The following ZNF26 variants were observed in gnomAD, a reference collection of about 807,000 sequenced individuals.
ZNF26 encodes the protein zinc finger protein 26.
In ZNF26, 32 loss-of-function variants were observed where a neutral mutation model predicts 54.9. That is an observed-to-expected ratio of 0.58 (90% CI 0.44 to 0.78). The LOEUF is 0.78. ZNF26 is among the 30% of genes least tolerant of loss of function. ZNF26 has a pLI of 0.00. For synonymous variants in ZNF26, 221 were observed against 209.2 expected (o/e 1.06, Z -0.49); for missense variants, 524 against 634.0 (o/e 0.83, Z 1.86).
rs1953446427 is a variant in ZNF26 at position 133,010,484 on chromosome 12, A to G, written c.605A>G (p.Tyr202Cys). 1.9e-6 allele frequency: 3 copies of G among 1,614,046 alleles called. No individual in the cohort carries two copies. The highest frequency in any genetic ancestry group is 2.5e-6 in the Non-Finnish European group (3 of 1,180,032). ...AGAATTCATACAGGAGAGAGACCTTATGAATGCAGTAAATGTGAAAGAGCC... is the reference window on the plus strand; with the variant it reads ...AGAATTCATACAGGAGAGAGACCTTGTGAATGCAGTAAATGTGAAAGAGCC... Reference protein sequence around the residue: ...HLRIHTGERPYECSKCERAFS... With the variant: ...HLRIHTGERPCECSKCERAFS... Residue 202 changes from tyrosine to cysteine, a missense_variant, in exon 4 of 4, where the codon TAT becomes TGT. Tyr to Cys is a radical substitution (Grantham distance 194). Coordinates refer to ENST00000328654, the MANE Select transcript of ZNF26 (RefSeq NM_019591.4).
At chr12:133,000,092 A>T (rs943564813) in intron 1 of ZNF26, among the ~76,000 whole-genome samples, 3 of 152,144 alleles carry the variant, frequency 2.0e-5, no homozygotes, top group Non-Finnish European at 4.4e-5. Flanking sequence ...GTCCCATTAC[A>T]GTAGAACTGT....
chr12:133,011,590 A>G lies in ZNF26; in HGVS notation c.*109A>G. ...AAATTACACTCATGTCAAAAATCAG[A>G]GAGGAGAGAGACCAACCATATTTGG... On this transcript the variant is annotated 3_prime_UTR_variant, in exon 4 of 4. Transcript: ENST00000328654. 2 of 1,152,334 alleles carry G rather than the reference A, an allele frequency of 1.7e-6. No individual in the cohort carries two copies. Among genetic ancestry groups the G allele is most frequent in the South Asian group, 4.0e-5 (2 of 50,516 alleles). The allele number at this position is 1,152,334 out of a possible 1,614,324, so 71.4% of individuals were successfully genotyped here. A position where few individuals can be genotyped will look rare whatever the true frequency, so the allele number is the denominator to read the frequency against.
At chr12:132,995,642 A>G (rs1953063754) in intron 1 of ZNF26, among the ~76,000 whole-genome samples, 1 of 152,036 alleles carries the variant, frequency 6.6e-6, no homozygotes, top group African/African-American at 2.4e-5. Context: ...AACCACAGAG[A>G]CTGAAGTTTA....
intron 1 of ZNF26, among the ~76,000 whole-genome samples, chr12:133,002,416 C>A (rs1388501411): frequency 6.6e-6 from 1 of 152,112 alleles, no homozygotes; most frequent in African/African-American, 2.4e-5. Flanking sequence ...TCTCCTCTTA[C>A]ACAACCCCCT....
chr12:133,002,504 T>A (rs1953240658), intron 1 of ZNF26, among the ~76,000 whole-genome samples: 1 of 152,088 alleles, frequency 6.6e-6, no homozygotes. Flanking sequence ...TCACAGCGCT[T>A]GCATTTCTGC....
chr12:133,007,571 G>C, intron 3 of ZNF26, 39 bp downstream of exon 3: 1 of 1,456,162 alleles, frequency 6.9e-7, no homozygotes, highest in Non-Finnish European at 9.6e-7. Context: ...AGGCATGGGA[G>C]TGAGCTGATG....
intron 1 of ZNF26, among the ~76,000 whole-genome samples, chr12:132,996,917 G>GTTTT (rs1428961652): frequency 4.8e-5 from 7 of 146,314 alleles, no homozygotes; most frequent in African/African-American, 1.7e-4. Flanking sequence ...GTTTTGTTTT[G>GTTTT]TTTTCTTAGA....
At chr12:133,005,980 T>C in intron 1 of ZNF26, 1 of 532,954 alleles carries the variant, frequency 1.9e-6, no homozygotes, top group Non-Finnish European at 2.4e-6. Flanking sequence ...CTACCATGTG[T>C]TCTGTGTGAT....
intron 1 of ZNF26, chr12:132,995,214 G>A (rs1396390079): frequency 1.3e-5 from 2 of 152,696 alleles, no homozygotes; most frequent in African/African-American, 2.4e-5. Context: ...CACCACCATA[G>A]TTGATGTGGG....
At chr12:132,999,926 T>G (rs1032515958) in intron 1 of ZNF26, among the ~76,000 whole-genome samples, 1 of 152,248 alleles carries the variant, frequency 6.6e-6, no homozygotes, top group East Asian at 1.9e-4. Context: ...CACCTCAGCC[T>G]CTGAAAGTGC....
At chr12:132,990,849 T>C (rs1952932697) in intron 1 of ZNF26, among the ~76,000 whole-genome samples, 1 of 152,082 alleles carries the variant, frequency 6.6e-6, no homozygotes, top group Admixed American at 6.6e-5. Context: ...ATGATGTTCC[T>C]TTATTGTCCT....
rs1329869709 is a variant in ZNF26 at position 133,001,507 on chromosome 12, G to A, written c.34-5535G>A. 11 of 410,996 alleles carry A rather than the reference G, an allele frequency of 2.7e-5. No homozygotes were observed. Among genetic ancestry groups the A allele is most frequent in the African/African-American group, 2.3e-4 (11 of 47,646 alleles). The allele number at this position is 410,996 out of a possible 1,614,324, so 25.5% of individuals were successfully genotyped here. A position where few individuals can be genotyped will look rare whatever the true frequency, so the allele number is the denominator to read the frequency against. The stretch of plus-strand genomic sequence containing the variant: ...GTTATGACAGGCATCAGTGGGGCTT[G>A]GTTGGAGCCTCTGACAGGGCTCTGC... On this transcript the variant is annotated intron_variant, in intron 1 of 3. Coordinates refer to ENST00000328654, the MANE Select transcript of ZNF26 (RefSeq NM_019591.4). The surrounding 1 kb of genome is among the most constrained non-coding windows in gnomAD (Gnocchi z 4.7).
At chr12:132,992,976 C>T (rs977207841) in intron 1 of ZNF26, among the ~76,000 whole-genome samples, 1 of 151,386 alleles carries the variant, frequency 6.6e-6, no homozygotes, top group East Asian at 1.9e-4. Context: ...ATACATAAGC[C>T]CATCAAAGGC....
At chr12:133,004,332 A>G (rs1405547110) in intron 1 of ZNF26, 1 of 152,132 alleles carries the variant, frequency 6.6e-6, no homozygotes, top group Non-Finnish European at 1.5e-5. Context: ...ATTCTCATCT[A>G]TTTGCATCAC....
Position 133,010,727 on chromosome 12 carries a change from T to G in ZNF26, c.848T>G (p.Val283Gly). The change falls in exon 4 of 4, where the codon GTG (valine) becomes GGG (glycine). Residue 283 changes from valine to glycine, a missense_variant. Val to Gly is a moderately radical substitution (Grantham distance 109). Transcript: ENST00000328654. ...TTACACCAGAGAAGTCACACAGGAG[T>G]GAAACCGTATGAATGCAGCGAATGT... ...LLLHQRSHTG[V>G]KPYECSECGK... The G allele has an allele frequency of 6.2e-7, 1 of 1,610,302 alleles. No individual in the cohort carries two copies. Among genetic ancestry groups the G allele is most frequent in the Non-Finnish European group, 8.5e-7 (1 of 1,178,616 alleles).
intron 1 of ZNF26, chr12:132,987,562 G>T: frequency 3.8e-6 from 1 of 262,718 alleles, no homozygotes; most frequent in Non-Finnish European, 5.9e-6. Flanking sequence ...CGGATGTGGT[G>T]CTCTACCATT....
chr12:132,989,368 C>T (rs1952898664), intron 1 of ZNF26, among the ~76,000 whole-genome samples: 1 of 152,100 alleles, frequency 6.6e-6, no homozygotes, highest in Non-Finnish European at 1.5e-5. Flanking sequence ...CACAATTATG[C>T]CATCTGTGAA....
intron 1 of ZNF26, among the ~76,000 whole-genome samples, chr12:133,000,942 C>T (rs1388552707): frequency 6.6e-6 from 1 of 152,082 alleles, no homozygotes; most frequent in African/African-American, 2.4e-5. Context: ...ACCCGCTGCT[C>T]CTGGTCTACC....
At chr12:132,993,935 TC>T in intron 1 of ZNF26, among the ~76,000 whole-genome samples, 1 of 152,310 alleles carries the variant, frequency 6.6e-6, no homozygotes, top group Non-Finnish European at 1.5e-5. Context: ...GAGCCTGTTC[TC>T]CTGGACTCTC....
Sources: gnomAD v4.1 joint callset for allele counts (sites outside exome capture counted in the v4.1 genomes callset) on GRCh38, gnomAD v4.1.1 for gene constraint, Gnocchi (gnomAD v3.1) non-coding constraint, MANE v1.5 for transcripts, NCBI Gene and HGNC (gene_info 2026-07-23, HGNC 2026-07-21) for gene names.